Variants in CGN observed in about 807,000 individuals in gnomAD.
The protein encoded by CGN is cingulin.
CGN carries 121 observed loss-of-function variants against 157.1 expected under a neutral mutation model. That is an observed-to-expected ratio of 0.77 (90% confidence interval 0.66 to 0.90). The LOEUF is 0.90. CGN is among the 40% of genes least tolerant of loss of function. The pLI is 0.00. For missense variants in CGN, 1,424 were observed against 1,520.9 expected, an observed-to-expected ratio of 0.94 and a Z score of 1.06; for synonymous variants, 535 against 607.5, an observed-to-expected ratio of 0.88 and a Z score of 1.76.
chr1:151,530,419 A>G, intron 12 of CGN, 70 bp from the exon 13 acceptor site: 1 of 1,489,410 alleles, frequency 6.7e-7, no homozygotes, highest in Non-Finnish European at 8.9e-7. Context: ...CTGCCCAGCT[A>G]CCCACCTCCA....
At chr1:151,517,673 G>A (rs547876461) in intron 1 of CGN, among the ~76,000 whole-genome samples, 70 of 152,112 alleles carry the variant, frequency 4.6e-4, no homozygotes, top group Admixed American at 4.1e-3. Context: ...ACCACGCCTA[G>A]CTAAGTTTTT....
intron 10 of CGN, 91 bp from the exon 11 acceptor site, chr1:151,529,259 C>A: frequency 1.8e-6 from 2 of 1,101,906 alleles, no homozygotes; most frequent in Non-Finnish European, 1.3e-6. Context: ...GTTTTTATTC[C>A]CTTGGCAGTG....
chr1:151,537,382 G>A lies in CGN; in HGVS notation c.*36G>A. 1 of 1,598,356 alleles carries A rather than the reference G, an allele frequency of 6.3e-7. No individual in the cohort carries two copies. Among genetic ancestry groups the A allele is most frequent in the Non-Finnish European group, 8.5e-7 (1 of 1,170,490 alleles). On this transcript the variant is annotated 3_prime_UTR_variant, in exon 21 of 21. Coordinates refer to ENST00000271636, the MANE Select transcript of CGN (RefSeq NM_020770.3). ...TCAAGGACTCAGAAACCAGGCTCGA[G>A]GCCTATCCCAGCAAGTGCTGCTCTG...
rs933850563 is a variant in CGN at position 151,511,425 on chromosome 1, C to T, written c.-105C>T. ...GACGAGGGGGAGGGCCGGAGCTGCG[C>T]GTGCTGCTTTGCCCGAGCCCGAGCC... On this transcript the variant is annotated 5_prime_UTR_variant, in exon 1 of 21. Transcript: ENST00000271636. This position sits in a 1 kb window ranked among gnomAD's most constrained non-coding sequence, Gnocchi z 4.8. 6.7e-6 allele frequency: 1 copy of T among 149,940 alleles called. No individual in the cohort carries two copies. The highest frequency in any genetic ancestry group is 1.4e-5 in the Non-Finnish European group (1 of 70,986). The allele number at this position is 149,940 out of a possible 1,614,324, so 9.3% of individuals were successfully genotyped here.
At chr1:151,516,091 T>C (rs1256175392) in intron 1 of CGN, among the ~76,000 whole-genome samples, 1 of 152,180 alleles carries the variant, frequency 6.6e-6, no homozygotes, top group African/African-American at 2.4e-5. Flanking sequence ...CTAAGAATGC[T>C]CTTCTTCAGA....
intron 15 of CGN, 78 bp from the exon 16 acceptor site, chr1:151,534,964 G>A: frequency 9.8e-7 from 1 of 1,019,410 alleles, no homozygotes. Flanking sequence ...TAATGCTGGA[G>A]TTTGAGAGGC....
chr1:151,529,573 G>C lies in CGN; in HGVS notation c.2106+14G>C. On this transcript the variant is annotated intron_variant, in intron 11 of 20. Coordinates refer to ENST00000271636, the MANE Select transcript of CGN (RefSeq NM_020770.3). ...GAGGCTTCCAAGGCAAGGGGAGTGG[G>C]CACAGGGCTTAGGAGGTGGAGGCTG... 1 of 1,608,122 alleles carries C rather than the reference G, an allele frequency of 6.2e-7. No homozygotes were observed.
chr1:151,527,821 A>ACACACACG (rs1664720095), intron 10 of CGN: 1 of 227,174 alleles, frequency 4.4e-6, no homozygotes, highest in Non-Finnish European at 8.7e-6. Flanking sequence ...ACACACACAC[A>ACACACACG]CACACACACA....
chr1:151,537,060 G>T, intron 20 of CGN, 145 bp from the exon 21 acceptor site: 1 of 1,186,658 alleles, frequency 8.4e-7, no homozygotes, highest in South Asian at 1.6e-5. Context: ...CCACCATCCT[G>T]TACCTCCCCA....
chr1:151,525,667 G>T lies in CGN; in HGVS notation c.1640G>T (p.Arg547Met). 4 of 1,608,260 alleles carry T rather than the reference G, an allele frequency of 2.5e-6. No homozygotes were observed. Among genetic ancestry groups the T allele is most frequent in the Non-Finnish European group, 3.4e-6 (4 of 1,177,104 alleles). ...GACCATGCAGTGCTGGAGGCCGAGAGGCAGAAGATGTCAGCCCTTGTGCGA... is the reference window on the plus strand; with the variant it reads ...GACCATGCAGTGCTGGAGGCCGAGATGCAGAAGATGTCAGCCCTTGTGCGA... ...TQDHAVLEAE[R>M]QKMSALVRGL... The change falls in exon 9 of 21, where the codon AGG (arginine) becomes ATG (methionine). Residue 547 changes from arginine (R) to methionine (M), a missense_variant. Around this residue, in one of 3 missense-constraint regions of CGN, gnomAD observed 1,187 missense variants for 1,217.6 expected, o/e 0.97. Transcript: ENST00000271636.
chr1:151,525,427 T>C (rs1281787569), intron 8 of CGN, among the ~76,000 whole-genome samples: 1 of 151,938 alleles, frequency 6.6e-6, no homozygotes, highest in East Asian at 1.9e-4. Context: ...CAAGGGGAAA[T>C]AACTGGGGAG....
At position 151,530,499 on chromosome 1, in the gene CGN, A is replaced by G. The variant is rs1240576419; in HGVS notation, c.2324A>G (p.Gln775Arg). Residue 775 changes from glutamine to arginine, a missense_variant, in exon 13 of 21, where the codon CAG becomes CGG. Gln to Arg is a conservative substitution (Grantham distance 43). Transcript: ENST00000271636. ...TTCCCTACCTCCCAGGCAGAGAAAC[A>G]GCAGCTGGAGGAGGCCCTGAATGCG... ...DKLQRLEAEKQQLEEALNASQ... is the reference protein window; with the variant it reads ...DKLQRLEAEKRQLEEALNASQ... 2 of 1,584,482 alleles carry G rather than the reference A, an allele frequency of 1.3e-6. No individual in the cohort carries two copies. The highest frequency in any genetic ancestry group is 1.1e-5 in the South Asian group (1 of 87,108).
At position 151,536,327 on chromosome 1, in the gene CGN, C is replaced by T. The variant is rs1664968752; in HGVS notation, c.3288C>T (p.Val1096=). The T allele has an allele frequency of 1.2e-6, 2 of 1,606,020 alleles. No individual in the cohort carries two copies. Among genetic ancestry groups the T allele is most frequent in the East Asian group, 2.2e-5 (1 of 44,840 alleles). ...AGATTGAAGACGAGCGGCAGCATGT[C>T]AATGACCAGAAAGACCAGGTGAGGA... is the stretch of plus-strand genomic sequence containing the variant. ...SIQIEDERQH[V]NDQKDQLSLR... Residue 1096 remains valine, a synonymous_variant, in exon 19 of 21, where the codon GTC becomes GTT. Transcript: ENST00000271636.
chr1:151,512,274 A>C (rs1337609276), intron 1 of CGN, among the ~76,000 whole-genome samples: 2 of 152,206 alleles, frequency 1.3e-5, no homozygotes, highest in African/African-American at 2.4e-5. Flanking sequence ...GATAAATATT[A>C]ATACTTATTT....
chr1:151,518,711 C>G lies in CGN; in HGVS notation c.192C>G (p.Pro64=). Residue 64 remains proline (P), a synonymous_variant, in exon 2 of 21, where the codon CCC becomes CCG. Coordinates refer to ENST00000271636, the MANE Select transcript of CGN (RefSeq NM_020770.3). The part of the protein sequence containing the change: ...AVRVQGIAGQ[P]FVVLNSGEKG... ...GTGTGCAGGGAATCGCTGGGCAGCC[C>G]TTTGTGGTGCTCAACAGTGGGGAGA... 6.2e-7 allele frequency: 1 copy of G among 1,614,118 alleles called. No homozygotes were observed. Among genetic ancestry groups the G allele is most frequent in the Non-Finnish European group, 8.5e-7 (1 of 1,180,008 alleles).
In CGN at chr1:151,527,808, TACACAC is replaced by T. The variant is rs141985486; in HGVS notation, c.1896+726_1896+731del. 12 of 156,040 alleles carry T rather than the reference TACACAC, an allele frequency of 7.7e-5. No homozygotes were observed. In the East Asian group the frequency reaches 9.6e-4, roughly 12 times the overall value. The allele number at this position is 156,040 out of a possible 1,614,324, so 9.7% of individuals were successfully genotyped here. A position where few individuals can be genotyped will look rare whatever the true frequency, so the allele number is the denominator to read the frequency against. ...TATTGTGTCACACATTTTGGTTTTATACACACACACACACACACACACACACACACG... is the reference window on the plus strand; with the variant it reads ...TATTGTGTCACACATTTTGGTTTTATACACACACACACACACACACACACG... On this transcript the variant is annotated intron_variant, in intron 10 of 20. Transcript: ENST00000271636.
chr1:151,517,158 C>CAAAAA (rs1240231519), intron 1 of CGN, among the ~76,000 whole-genome samples: 5 of 151,232 alleles, frequency 3.3e-5, no homozygotes, highest in Admixed American at 6.6e-5. Context: ...AACTCTGTCT[C>CAAAAA]AAAAAAAACA....
At chr1:151,533,896 C>A in intron 14 of CGN, 79 bp from the exon 15 acceptor site, 1 of 1,252,070 alleles carries the variant, frequency 8.0e-7, no homozygotes, top group Non-Finnish European at 1.1e-6. Context: ...TGTTTCTGCC[C>A]ACTGGGCTGG....
chr1:151,516,822 G>A (rs1488094805), intron 1 of CGN, among the ~76,000 whole-genome samples: 1 of 151,588 alleles, frequency 6.6e-6, no homozygotes, highest in African/African-American at 2.4e-5. Context: ...GATTACAGGC[G>A]TGAGCCACCA....
Sources: allele counts gnomAD v4.1 joint callset (sites outside exome capture counted in the v4.1 genomes callset), GRCh38; gene constraint gnomAD v4.1.1; regional missense constraint gnomAD v4.1.1; non-coding constraint Gnocchi (gnomAD v3.1); transcripts MANE v1.5; gene names NCBI Gene and HGNC (gene_info 2026-07-23, HGNC 2026-07-21).